Variants in BRD10 observed in about 807,000 individuals in gnomAD.
BRD10 encodes uncharacterized bromodomain-containing protein 10.
At chr9:5,984,539 A>G in the BRD10 span, among the ~76,000 whole-genome samples, 1 of 152,230 alleles carries the variant, frequency 6.6e-6, no homozygotes, top group Non-Finnish European at 1.5e-5. Context: ...AAGGGACATA[A>G]TAAGAAAGAA....
At chr9:5,986,997 C>T in the BRD10 span, among the ~76,000 whole-genome samples, 1 of 152,130 alleles carries the variant, frequency 6.6e-6, no homozygotes, top group African/African-American at 2.4e-5. Context: ...TGCTTAGGAG[C>T]ACTAGCTCTA....
At chr9:5,958,609 G>C in the BRD10 span, among the ~76,000 whole-genome samples, 2 of 152,126 alleles carry the variant, frequency 1.3e-5, no homozygotes, top group Non-Finnish European at 2.9e-5. Context: ...AACATAGCGA[G>C]ATCCTGTCTC....
chr9:5,934,661 C>T, the BRD10 span, among the ~76,000 whole-genome samples: 29 of 152,052 alleles, frequency 1.9e-4, 1 homozygote, highest in South Asian at 4.8e-3. Flanking sequence ...CCACTGCGCC[C>T]GGCCATATTA....
the BRD10 span, among the ~76,000 whole-genome samples, chr9:5,894,383 TC>T: frequency 2.0e-5 from 3 of 152,038 alleles, no homozygotes; most frequent in African/African-American, 7.2e-5. This position sits in a 1 kb window ranked among gnomAD's most constrained non-coding sequence, Gnocchi z 4.0. Context: ...AAAGAAGGCA[TC>T]GGGGCAACCA....
At chr9:5,946,038 A>G in the BRD10 span, among the ~76,000 whole-genome samples, 1 of 152,082 alleles carries the variant, frequency 6.6e-6, no homozygotes, top group African/African-American at 2.4e-5. Flanking sequence ...AGAGCAAACA[A>G]AAACAATAAA....
the BRD10 span, chr9:5,892,392 G>C: frequency 2.9e-5 from 37 of 1,275,138 alleles, no homozygotes; most frequent in South Asian, 4.7e-4. Flanking sequence ...GTCTTTATGA[G>C]ATGATGAATA....
chr9:5,962,182 G>A, the BRD10 span, among the ~76,000 whole-genome samples: 2 of 151,806 alleles, frequency 1.3e-5, no homozygotes, highest in Admixed American at 6.6e-5. Flanking sequence ...AAGAAAAAAC[G>A]AGAGAAGAAT....
At chr9:5,901,755 C>T in the BRD10 span, among the ~76,000 whole-genome samples, 1 of 152,108 alleles carries the variant, frequency 6.6e-6, no homozygotes, top group African/African-American at 2.4e-5. Flanking sequence ...CTCCTGAGCA[C>T]AAGCAATCCA....
At chr9:5,904,319 G>A in the BRD10 span, among the ~76,000 whole-genome samples, 531 of 152,290 alleles carry the variant, frequency 3.5e-3, 4 homozygotes, top group Non-Finnish European at 4.2e-3. Flanking sequence ...TATTGATATA[G>A]TTGGATTGAT....
chr9:5,921,483 TC>T, the BRD10 span: 1 of 1,613,936 alleles, frequency 6.2e-7, no homozygotes, highest in South Asian at 1.1e-5. Context: ...AAAACTAATT[TC>T]TGGGCAGAAA....
chr9:5,895,339 T>A, the BRD10 span, among the ~76,000 whole-genome samples: 1 of 152,024 alleles, frequency 6.6e-6, no homozygotes, highest in African/African-American at 2.4e-5. Context: ...CCATTGCTGT[T>A]TGTTTAAATA....
At chr9:5,992,223 T>C in the BRD10 span, among the ~76,000 whole-genome samples, 2 of 152,350 alleles carry the variant, frequency 1.3e-5, no homozygotes, top group Non-Finnish European at 2.9e-5. Flanking sequence ...ATAGGAACTT[T>C]GTTTTGTTAA....
chr9:5,898,884 A>C, the BRD10 span: 1 of 152,224 alleles, frequency 6.6e-6, no homozygotes, highest in South Asian at 2.1e-4. Flanking sequence ...GTGTTTTTTA[A>C]CAGGCTGCAT....
At chr9:5,973,742 T>C in the BRD10 span, among the ~76,000 whole-genome samples, 2 of 151,720 alleles carry the variant, frequency 1.3e-5, no homozygotes, top group African/African-American at 2.4e-5. Flanking sequence ...ACGGGCCTGG[T>C]GTGGTGGCAC....
At chr9:5,919,579 C>CAT in the BRD10 span, 1 of 997,154 alleles carries the variant, frequency 1.0e-6, no homozygotes, top group Non-Finnish European at 1.5e-6. Flanking sequence ...CACACACACA[C>CAT]ACACAATGTA....
chr9:5,967,950 T>C, the BRD10 span: 3 of 938,574 alleles, frequency 3.2e-6, no homozygotes, highest in South Asian at 1.8e-5. Flanking sequence ...AAAGCATCCA[T>C]GATGCATAAT....
chr9:5,921,266 A>G, the BRD10 span: 7 of 1,613,998 alleles, frequency 4.3e-6, no homozygotes, highest in Non-Finnish European at 5.1e-6. Flanking sequence ...ACCTATGTTT[A>G]GTCCAATTTT....
chr9:5,943,126 C>G, the BRD10 span, among the ~76,000 whole-genome samples: 1 of 152,152 alleles, frequency 6.6e-6, no homozygotes, highest in Non-Finnish European at 1.5e-5. Flanking sequence ...ATCCTCCCAC[C>G]TCAGCCTCCC....
At chr9:6,003,815 G>C in the BRD10 span, among the ~76,000 whole-genome samples, 1 of 151,978 alleles carries the variant, frequency 6.6e-6, no homozygotes, top group Non-Finnish European at 1.5e-5. Flanking sequence ...TACATGCATT[G>C]CTGCTTTAAG....
Sources: allele counts gnomAD v4.1 joint callset (sites outside exome capture counted in the v4.1 genomes callset), GRCh38; gene constraint gnomAD v4.1.1; non-coding constraint Gnocchi (gnomAD v3.1); transcripts MANE v1.5; gene names NCBI Gene and HGNC (gene_info 2026-07-23, HGNC 2026-07-21).